RNF150: variants seen among roughly 807,000 people sequenced by gnomAD.
The protein encoded by RNF150 is ring finger protein 150.
RNF150 carries 24 observed loss-of-function variants against 39.3 expected under a neutral mutation model. That is an observed-to-expected ratio of 0.61 (90% confidence interval 0.44 to 0.86). The LOEUF (loss-of-function observed/expected upper bound fraction) is 0.86, where lower values mean the gene tolerates loss of function less well. RNF150 is among the 40% of genes least tolerant of loss of function. The pLI is 0.00. For synonymous variants in RNF150, 255 were observed against 227.3 expected, an observed-to-expected ratio of 1.12 and a Z score of -1.10; for missense variants, 502 against 587.8, an observed-to-expected ratio of 0.85 and a Z score of 1.51.
intron 1 of RNF150, among the ~76,000 whole-genome samples, chr4:141,206,694 C>G (rs1728380681): frequency 1.3e-5 from 2 of 151,856 alleles, no homozygotes; most frequent in Non-Finnish European, 2.9e-5. Context: ...TTAGGGTTCT[C>G]TAGAGGGACA....
At chr4:141,191,892 G>A (rs1728114788) in intron 1 of RNF150, among the ~76,000 whole-genome samples, 2 of 142,228 alleles carry the variant, frequency 1.4e-5, no homozygotes, top group African/African-American at 5.2e-5. Context: ...ACTCAGCTTG[G>A]TTGTGGCCTC....
rs1729688068 is a variant in RNF150 at position 140,889,528 on chromosome 4, G to A, written c.1199-21149C>T. Among the ~76,000 whole-genome samples the A allele has an allele frequency of 3.3e-5, 5 of 152,154 alleles. No homozygotes were observed. The South Asian group carries it at 8.3e-4, about 25-fold the overall frequency. Reference sequence around the variant, plus strand: ...TTTGCAATCCCTAAATGCTTCATCTGGGTTTGGTACCTCTTTAAAAATCTC... The same window carrying A: ...TTTGCAATCCCTAAATGCTTCATCTAGGTTTGGTACCTCTTTAAAAATCTC... On this transcript the variant is annotated intron_variant, in intron 6 of 6. Transcript: ENST00000515673.
intron 6 of RNF150, among the ~76,000 whole-genome samples, chr4:140,904,877 T>TA (rs1730318635): frequency 6.6e-6 from 1 of 152,206 alleles, no homozygotes; most frequent in South Asian, 2.1e-4. Flanking sequence ...GCTCCCTCAA[T>TA]AAACCTCCAA....
intron 1 of RNF150, among the ~76,000 whole-genome samples, chr4:141,014,978 T>C (rs1467471976): frequency 1.3e-5 from 2 of 151,956 alleles, no homozygotes; most frequent in Non-Finnish European, 2.9e-5. Context: ...TCTTAATCTG[T>C]TTTTAGCTGA....
intron 1 of RNF150, among the ~76,000 whole-genome samples, chr4:141,050,104 T>C (rs1343175523): frequency 6.6e-6 from 1 of 152,074 alleles, no homozygotes; most frequent in Admixed American, 6.6e-5. Context: ...AACACATATA[T>C]ACATGTAAGT....
chr4:141,086,310 G>GTGAGTCTA (rs1738365133), intron 1 of RNF150, among the ~76,000 whole-genome samples: 1 of 152,128 alleles, frequency 6.6e-6, no homozygotes, highest in Non-Finnish European at 1.5e-5. Context: ...AAGTTTCATA[G>GTGAGTCTA]TGAGTCTACT....
chr4:141,006,696 T>C (rs1286041165), intron 1 of RNF150, among the ~76,000 whole-genome samples: 1 of 152,204 alleles, frequency 6.6e-6, no homozygotes, highest in Non-Finnish European at 1.5e-5. Flanking sequence ...GTGACGTTCA[T>C]TCATACCTAA....
chr4:141,054,590 T>C (rs1477114606), intron 1 of RNF150, among the ~76,000 whole-genome samples: 1 of 152,132 alleles, frequency 6.6e-6, no homozygotes, highest in Non-Finnish European at 1.5e-5. Context: ...TGCTATGAAT[T>C]GGCCTTTTAA....
At chr4:141,113,034 T>A (rs576008556) in intron 1 of RNF150, among the ~76,000 whole-genome samples, 1 of 152,134 alleles carries the variant, frequency 6.6e-6, no homozygotes, top group South Asian at 2.1e-4. Flanking sequence ...GATACTTGAG[T>A]ATGTCTCACG....
intron 1 of RNF150, among the ~76,000 whole-genome samples, chr4:141,102,621 C>G (rs368986946): frequency 6.6e-6 from 1 of 152,174 alleles, no homozygotes; most frequent in East Asian, 1.9e-4. Context: ...AGTCCTGCTT[C>G]CCTTGCTCAA....
At position 140,863,340 on chromosome 4, in the gene RNF150, T is replaced by TAA. The variant is rs1193327802; in HGVS notation, c.*4919_*4920dup. On this transcript the variant is annotated 3_prime_UTR_variant, in exon 7 of 7. Transcript: ENST00000515673. ...AAGCCTGAAAACATGGCAATGGTTGTAAGATGGGTTGCGATACAACTGGTG... is the reference window on the plus strand; with the variant it reads ...AAGCCTGAAAACATGGCAATGGTTGTAAAAGATGGGTTGCGATACAACTGGTG... 6.6e-6 allele frequency: 1 copy of TAA among 152,184 alleles called. No individual in the cohort carries two copies. Among genetic ancestry groups the TAA allele is most frequent in the Non-Finnish European group, 1.5e-5 (1 of 68,022 alleles). 9.4% of individuals were successfully genotyped at this position (152,184 alleles called of 1,614,324 possible).
intron 1 of RNF150, among the ~76,000 whole-genome samples, chr4:141,158,094 C>T (rs1265814364): frequency 6.6e-6 from 1 of 152,166 alleles, no homozygotes; most frequent in Non-Finnish European, 1.5e-5. Context: ...AGTTCAAGAG[C>T]AGCCTGACCA....
At chr4:140,949,265 T>C in intron 3 of RNF150, 36 bp downstream of exon 3, 15 of 1,537,014 alleles carry the variant, frequency 9.8e-6, no homozygotes, top group Non-Finnish European at 1.2e-5. Flanking sequence ...CTTCTTTGAA[T>C]AGCTCCTCAC....
At chr4:140,992,587 G>A (rs1734233000) in intron 1 of RNF150, among the ~76,000 whole-genome samples, 1 of 152,148 alleles carries the variant, frequency 6.6e-6, no homozygotes, top group African/African-American at 2.4e-5. Context: ...AAGCAGCAGA[G>A]GCAGTGTCAT....
At chr4:141,200,727 A>G (rs539571128) in intron 1 of RNF150, among the ~76,000 whole-genome samples, 66 of 152,346 alleles carry the variant, frequency 4.3e-4, no homozygotes, top group African/African-American at 1.5e-3. Context: ...GTATGAAAAT[A>G]AAGATTAAGG....
intron 1 of RNF150, among the ~76,000 whole-genome samples, chr4:141,144,187 G>A (rs941143270): frequency 1.3e-5 from 2 of 152,146 alleles, no homozygotes; most frequent in African/African-American, 4.8e-5. Flanking sequence ...GATGCAGGTA[G>A]TATTTACTGT....
chr4:140,967,543 G>T, intron 2 of RNF150, 80 bp downstream of exon 2: 1 of 1,351,760 alleles, frequency 7.4e-7, no homozygotes, highest in Non-Finnish European at 1.0e-6. Flanking sequence ...TTTTGGCTTG[G>T]TATTTTCTGT....
chr4:141,194,920 G>A lies in RNF150; in HGVS notation c.-6+17874C>T, dbSNP rs566777527. 9.9e-5 allele frequency among the ~76,000 whole-genome samples: 15 copies of A among 152,272 alleles called. No individual in the cohort carries two copies. In the South Asian group the frequency reaches 3.1e-3, roughly 32 times the overall value. ...GGTATCTACCTCATAGGCTGGTCAT[G>A]AGGATTAAATGAGTTAATTAAAACA... is the stretch of plus-strand genomic sequence containing the variant. On this transcript the variant is annotated intron_variant, in intron 1 of 7. Coordinates refer to the RNF150 transcript ENST00000420921.
intron 1 of RNF150, among the ~76,000 whole-genome samples, chr4:141,088,280 G>A (rs1050939332): frequency 4.6e-5 from 7 of 152,140 alleles, no homozygotes; most frequent in South Asian, 4.1e-4. Context: ...TCATCTGAGC[G>A]ATCCAGTCTC....
Sources: allele counts gnomAD v4.1 joint callset (sites outside exome capture counted in the v4.1 genomes callset), GRCh38; gene constraint gnomAD v4.1.1; transcripts MANE v1.5; gene names NCBI Gene and HGNC (gene_info 2026-07-23, HGNC 2026-07-21).